Variants in RMDN1 observed in about 807,000 individuals in gnomAD.
The protein encoded by RMDN1 is regulator of microtubule dynamics 1.
Under a neutral mutation model 48.9 loss-of-function variants are expected in RMDN1, and 48 were observed. That is an observed-to-expected ratio of 0.98 (90% CI 0.78 to 1.25). The LOEUF (loss-of-function observed/expected upper bound fraction) is 1.25, where lower values mean the gene tolerates loss of function less well. Ranked by LOEUF, RMDN1 falls within the 50% of genes most tolerant of loss-of-function variation. The pLI is 0.00. For synonymous variants in RMDN1, 148 were observed against 132.6 expected, an observed-to-expected ratio of 1.12 and a Z score of -0.80; for missense variants, 418 against 373.4, an observed-to-expected ratio of 1.12 and a Z score of -0.98.
At position 86,482,664 on chromosome 8, in the gene RMDN1, G is replaced by A. The variant is rs555022071; in HGVS notation, c.585+2208C>T. On this transcript the variant is annotated intron_variant, in intron 5 of 9. Transcript: ENST00000406452. ...CCAGGCTTCCACATTGAGCGCAGTC[G>A]GAAAAAGACTTTATGGAGTTCATGA... The A allele has an allele frequency of 3.1e-4, 254 of 832,012 alleles. No individual in the cohort carries two copies. In the African/African-American group the frequency reaches 3.7e-3, roughly 12 times the overall value. The allele number at this position is 832,012 out of a possible 1,614,324, so 51.5% of individuals were successfully genotyped here.
chr8:86,504,139 G>T, intron 2 of RMDN1: 2 of 1,262,560 alleles, frequency 1.6e-6, no homozygotes, highest in Admixed American at 3.4e-5. Context: ...GCTATGGCCG[G>T]TATTATTGGG....
intron 3 of RMDN1, among the ~76,000 whole-genome samples, chr8:86,487,015 A>C (rs374730403): frequency 6.6e-6 from 1 of 152,250 alleles, no homozygotes; most frequent in Non-Finnish European, 1.5e-5. Flanking sequence ...ATACAGTATC[A>C]TAAAATACAT....
At chr8:86,482,050 G>A (rs1814579170) in intron 5 of RMDN1, 2 of 676,482 alleles carry the variant, frequency 3.0e-6, no homozygotes. Flanking sequence ...CTAATCACTG[G>A]TCCTCCTGCT....
In RMDN1 at chr8:86,513,923, G is replaced by A. The variant is rs114311409; in HGVS notation, c.-4+319C>T. ...TGGAGTGCAGAGGCACGAACATGGC[G>A]CACTGCAGCCTGAGCCCGTGATCCT... is the stretch of plus-strand genomic sequence containing the variant. On this transcript the variant is annotated intron_variant, in intron 1 of 9. Transcript: ENST00000523911. 7.2e-3 allele frequency among the ~76,000 whole-genome samples: 1,095 copies of A among 151,460 alleles called. 12 individuals carry two copies. Among genetic ancestry groups the A allele is most frequent in the African/African-American group, 0.025 (1,047 of 41,230 alleles).
chr8:86,472,087 G>T (rs574861583), downstream of RMDN1, among the ~76,000 whole-genome samples: 3 of 152,320 alleles, frequency 2.0e-5, no homozygotes, highest in South Asian at 6.2e-4. Context: ...TGTTTAGGAA[G>T]ATGTCTTTAT....
chr8:86,475,479 GAA>G (rs1466420255), intron 8 of RMDN1, among the ~76,000 whole-genome samples: 1 of 151,552 alleles, frequency 6.6e-6, no homozygotes, highest in Non-Finnish European at 1.5e-5. Flanking sequence ...ACTTTATAAT[GAA>G]GAGAGAAACA....
At chr8:86,502,844 T>C (rs1176169282) in intron 2 of RMDN1, among the ~76,000 whole-genome samples, 1 of 152,176 alleles carries the variant, frequency 6.6e-6, no homozygotes, top group Admixed American at 6.5e-5. Context: ...GTTCTTTTTC[T>C]TCCCCCCAAC....
chr8:86,481,343 A>G (rs573260224), intron 5 of RMDN1, among the ~76,000 whole-genome samples: 57 of 152,270 alleles, frequency 3.7e-4, no homozygotes, highest in African/African-American at 1.2e-3. Context: ...ATAAATAAGT[A>G]TCTTAACATG....
Position 86,473,429 on chromosome 8 carries a change from G to C in RMDN1, c.*879C>G, listed in dbSNP as rs1812854421. On this transcript the variant is annotated 3_prime_UTR_variant, in exon 10 of 10. Coordinates refer to ENST00000406452, the MANE Select transcript of RMDN1 (RefSeq NM_016033.3). ...CCATTCCATTAGGGAATAGAACTTT[G>C]CATCTGATGACAAATTCAGTTTACC... 13 of 985,278 alleles carry C rather than the reference G, an allele frequency of 1.3e-5. No individual in the cohort carries two copies. The South Asian group carries it at 4.7e-4, about 36-fold the overall frequency. The allele number at this position is 985,278 out of a possible 1,614,324, so 61.0% of individuals were successfully genotyped here.
intron 5 of RMDN1, chr8:86,481,862 T>TA (rs955713408): frequency 2.1e-4 from 157 of 750,812 alleles, no homozygotes; most frequent in African/African-American, 1.3e-3. Flanking sequence ...TATTTTTTTT[T>TA]AAAAACATCA....
intron 2 of RMDN1, chr8:86,504,724 C>CCATTT: frequency 2.1e-6 from 2 of 953,492 alleles, no homozygotes; most frequent in South Asian, 2.6e-5. Flanking sequence ...GGACCAGGTC[C>CCATTT]CATTTCCTGG....
At chr8:86,491,029 A>T (rs894924466) in intron 2 of RMDN1, among the ~76,000 whole-genome samples, 1 of 152,006 alleles carries the variant, frequency 6.6e-6, no homozygotes, top group Admixed American at 6.6e-5. Context: ...AATAATCTAA[A>T]TCTTTTTTGT....
chr8:86,481,290 T>A (rs1454352594), intron 5 of RMDN1, among the ~76,000 whole-genome samples: 2 of 152,324 alleles, frequency 1.3e-5, no homozygotes, highest in East Asian at 3.9e-4. Flanking sequence ...TTTTCTCTTT[T>A]ATGGAAAAGT....
rs758013779 is a variant in RMDN1 at position 86,474,207 on chromosome 8, T to C, written c.*101A>G. The C allele has an allele frequency of 1.4e-5, 21 of 1,534,574 alleles. No homozygotes were observed. The highest frequency in any genetic ancestry group is 1.7e-5 in the Non-Finnish European group (20 of 1,145,012). On this transcript the variant is annotated 3_prime_UTR_variant, in exon 10 of 10. Coordinates refer to ENST00000406452, the MANE Select transcript of RMDN1 (RefSeq NM_016033.3). ...TTTACACGGTTAAATGGTCACAACA[T>C]TTAAAAAGCCGTAGAACAGTTATAG...
At chr8:86,508,903 G>T, upstream of RMDN1, 1 of 724,878 alleles carries the variant, frequency 1.4e-6, no homozygotes, top group African/African-American at 1.8e-5. Flanking sequence ...ACTTGTTTCT[G>T]CTCCATCTCT....
Position 86,482,794 on chromosome 8 carries a change from T to C in RMDN1, c.585+2078A>G, listed in dbSNP as rs1259296184. On this transcript the variant is annotated intron_variant, in intron 5 of 9. Transcript: ENST00000406452. Reference sequence around the variant, plus strand: ...CCCAATGTGACAAGTAGTGGCATTATCAGAACCCAAAATGGAGACGGAGCC... The same window carrying C: ...CCCAATGTGACAAGTAGTGGCATTACCAGAACCCAAAATGGAGACGGAGCC... 3.2e-6 allele frequency: 3 copies of C among 950,698 alleles called. No homozygotes were observed. In the African/African-American group the frequency reaches 4.8e-5, roughly 15 times the overall value. 58.9% of individuals were successfully genotyped at this position (950,698 alleles called of 1,614,324 possible).
intron 2 of RMDN1, among the ~76,000 whole-genome samples, chr8:86,500,407 G>A (rs1818014598): frequency 6.6e-6 from 1 of 151,548 alleles, no homozygotes; most frequent in Non-Finnish European, 1.5e-5. Flanking sequence ...ACAAGCAGCA[G>A]CCAATAAACA....
At position 86,503,366 on chromosome 8, in the gene RMDN1, C is replaced by CAAAAAAAAAAAAAAAAAAAA. The variant is rs1354324383; in HGVS notation, c.247+3628_247+3629insTTTTTTTTTTTTTTTTTTTT. On this transcript the variant is annotated intron_variant, in intron 2 of 9. Transcript: ENST00000406452. ...GACTCCGTCTCAAAACAAAACAAAA[C>CAAAAAAAAAAAAAAAAAAAA]AAAACAAAAAAAAAAAAAAAAAACA... is the stretch of plus-strand genomic sequence containing the variant. Among the ~76,000 whole-genome samples, 158 of 70,268 alleles carry CAAAAAAAAAAAAAAAAAAAA rather than the reference C, an allele frequency of 2.2e-3. 5 individuals carry two copies. The highest frequency in any genetic ancestry group is 4.1e-3 in the Non-Finnish European group (115 of 27,724). The allele number at this position is 70,268 out of a possible 152,430, so 46.1% of individuals were successfully genotyped here. A position where few individuals can be genotyped will look rare whatever the true frequency, so the allele number is the denominator to read the frequency against.
Position 86,507,122 on chromosome 8 carries a change from C to CAATT in RMDN1, c.130-14_130-11dup, listed in dbSNP as rs761310854. The CAATT allele has an allele frequency of 3.3e-6, 5 of 1,516,032 alleles. No homozygotes were observed. The highest frequency in any genetic ancestry group is 4.6e-6 in the Non-Finnish European group (5 of 1,091,768). The allele number at this position is 1,516,032 out of a possible 1,614,324, so 93.9% of individuals were successfully genotyped here. Reference sequence around the variant, plus strand: ...CTGGGTTTCCCATTACCTATGGAAACAATTATGTTAAGAGTTACAAACTTT... The same window carrying CAATT: ...CTGGGTTTCCCATTACCTATGGAAACAATTAATTATGTTAAGAGTTACAAACTTT... On this transcript the variant is annotated splice_polypyrimidine_tract_variant and intron_variant, in intron 1 of 9. Coordinates refer to ENST00000406452, the MANE Select transcript of RMDN1 (RefSeq NM_016033.3).
Sources: allele counts gnomAD v4.1 joint callset (sites outside exome capture counted in the v4.1 genomes callset), GRCh38; gene constraint gnomAD v4.1.1; transcripts MANE v1.5; gene names NCBI Gene and HGNC (gene_info 2026-07-23, HGNC 2026-07-21).